TXN: variants seen among roughly 807,000 people sequenced by gnomAD.
TXN encodes the protein thioredoxin.
A neutral mutation model predicts 16.5 loss-of-function variants in TXN; 10 were observed. That is an observed-to-expected ratio of 0.61 (90% CI 0.37 to 1.03). The LOEUF is 1.03. Ranked by LOEUF, TXN falls within the 50% of genes least tolerant of loss-of-function variation. TXN has a pLI of 0.01. For missense variants in TXN, 71 were observed against 122.5 expected, an observed-to-expected ratio of 0.58 and a Z score of 1.98; for synonymous variants, 35 against 39.4, an observed-to-expected ratio of 0.89 and a Z score of 0.42.
intron 3 of TXN, among the ~76,000 whole-genome samples, chr9:110,246,759 A>C (rs1837665273): frequency 6.6e-6 from 1 of 152,216 alleles, no homozygotes; most frequent in African/African-American, 2.4e-5. Flanking sequence ...TGAGCATGAA[A>C]GTACAGGTTC....
rs565618746 is a variant in TXN, at chr9:110,248,144, TA to T, written c.189+2675del. Reference sequence around the variant, plus strand: ...TACAAGAGTTAAAGAGTTAAAAAAATAAAAAAACTATAAAGTAAAAAAGTTA... The same window carrying T: ...TACAAGAGTTAAAGAGTTAAAAAAATAAAAAACTATAAAGTAAAAAAGTTA... On this transcript the variant is annotated intron_variant, in intron 3 of 4. Coordinates refer to ENST00000374517, the MANE Select transcript of TXN (RefSeq NM_003329.4). Among the ~76,000 whole-genome samples the T allele has an allele frequency of 3.9e-5, 6 of 152,042 alleles. No homozygotes were observed. In the South Asian group the frequency reaches 6.2e-4, roughly 16 times the overall value.
intron 1 of TXN, among the ~76,000 whole-genome samples, chr9:110,252,891 C>T (rs891636496): frequency 1.3e-4 from 20 of 152,058 alleles, no homozygotes; most frequent in Non-Finnish European, 1.8e-4. Flanking sequence ...GTGATCCACC[C>T]GCCTTGGCCT....
At chr9:110,250,202 G>A (rs762041026) in intron 3 of TXN, among the ~76,000 whole-genome samples, 26 of 152,092 alleles carry the variant, frequency 1.7e-4, no homozygotes, top group Non-Finnish European at 2.9e-4. Flanking sequence ...TATAAAATGG[G>A]GATGATAACA....
intron 3 of TXN, among the ~76,000 whole-genome samples, chr9:110,250,310 C>G (rs1837715220): frequency 6.6e-6 from 1 of 152,136 alleles, no homozygotes; most frequent in Non-Finnish European, 1.5e-5. Context: ...ACAACCAACC[C>G]TGGAATTTCT....
chr9:110,246,434 G>C (rs1246499633), intron 3 of TXN, among the ~76,000 whole-genome samples: 1 of 152,142 alleles, frequency 6.6e-6, no homozygotes, highest in African/African-American at 2.4e-5. Flanking sequence ...AAGAGGGCAA[G>C]GTTTGGAGGA....
chr9:110,245,647 TATA>T lies in TXN; in HGVS notation c.190-807_190-805del, dbSNP rs1384818451. ...ATATATATATATATATATATATATA[TATA>T]TATATTTTTTTTTTTTTTTTTTTAT... On this transcript the variant is annotated intron_variant, in intron 3 of 4. Transcript: ENST00000374517. 4.4e-3 allele frequency among the ~76,000 whole-genome samples: 127 copies of T among 28,738 alleles called. 1 individual carries two copies. The highest frequency in any genetic ancestry group is 9.4e-3 in the African/African-American group (58 of 6,142). The allele number at this position is 28,738 out of a possible 152,430, so 18.9% of individuals were successfully genotyped here. A position where few individuals can be genotyped will look rare whatever the true frequency, so the allele number is the denominator to read the frequency against.
intron 3 of TXN, among the ~76,000 whole-genome samples, chr9:110,249,849 G>C (rs1837704839): frequency 6.6e-6 from 1 of 152,202 alleles, no homozygotes; most frequent in Non-Finnish European, 1.5e-5. Flanking sequence ...GAAGAGGAGT[G>C]ACTGGCCTAA....
intron 3 of TXN, 136 bp downstream of exon 3, chr9:110,250,684 T>C: frequency 2.7e-6 from 2 of 742,348 alleles, no homozygotes; most frequent in Non-Finnish European, 4.5e-6. Context: ...TTGCCTGCTC[T>C]TCTGAGATAG....
At chr9:110,251,251 C>A (rs998588932) in intron 2 of TXN, 107 bp downstream of exon 2, 5 of 794,954 alleles carry the variant, frequency 6.3e-6, no homozygotes, top group African/African-American at 3.4e-5. Flanking sequence ...CCAAAGAAAT[C>A]CCCCCACCGA....
chr9:110,245,760 T>C (rs1837650922), intron 3 of TXN, among the ~76,000 whole-genome samples: 1 of 148,100 alleles, frequency 6.8e-6, no homozygotes, highest in Non-Finnish European at 1.5e-5. Context: ...CCCAAAGTGC[T>C]AGGATTACAG....
Position 110,256,237 on chromosome 9 carries a change from A to C in TXN, c.24+175T>G, listed in dbSNP as rs1175204446. Reference sequence around the variant, plus strand: ...AGGCTCCACCGCCTCGGGCGCGCCCAGGCCGCTGCTTCCCGCAGTCCCAGG... The same window carrying C: ...AGGCTCCACCGCCTCGGGCGCGCCCCGGCCGCTGCTTCCCGCAGTCCCAGG... On this transcript the variant is annotated intron_variant, in intron 1 of 4. Coordinates refer to ENST00000374517, the MANE Select transcript of TXN (RefSeq NM_003329.4). This position sits in a 1 kb window ranked among gnomAD's most constrained non-coding sequence, Gnocchi z 4.2. Among the ~76,000 whole-genome samples the C allele has an allele frequency of 6.6e-6, 1 of 151,438 alleles. No individual in the cohort carries two copies. Among genetic ancestry groups the C allele is most frequent in the Admixed American group, 6.5e-5 (1 of 15,272 alleles).
intron 3 of TXN, among the ~76,000 whole-genome samples, chr9:110,249,075 C>T (rs1049282064): frequency 2.5e-4 from 32 of 127,862 alleles, no homozygotes; most frequent in Non-Finnish European, 4.7e-5. Context: ...TGCAGTGAGC[C>T]GAGATCATGC....
intron 3 of TXN, 62 bp from the exon 4 acceptor site, chr9:110,244,905 C>A (rs1837627346): frequency 3.6e-6 from 5 of 1,401,984 alleles, no homozygotes; most frequent in Middle Eastern, 3.6e-4. Context: ...TGAGCTTTGA[C>A]AGAAGTAATC....
chr9:110,246,242 T>C (rs2118565499), intron 3 of TXN, among the ~76,000 whole-genome samples: 1 of 152,230 alleles, frequency 6.6e-6, no homozygotes, highest in Middle Eastern at 3.4e-3. Flanking sequence ...AATCGACAAA[T>C]TCCTAACATC....
intron 1 of TXN, among the ~76,000 whole-genome samples, chr9:110,255,995 C>T (rs1226591411): frequency 6.6e-6 from 1 of 152,192 alleles, no homozygotes; most frequent in African/African-American, 2.4e-5. Flanking sequence ...CAAGGGCGGA[C>T]CCCTTCCATT....
chr9:110,247,120 C>A (rs1188939085), intron 3 of TXN, among the ~76,000 whole-genome samples: 1 of 152,012 alleles, frequency 6.6e-6, no homozygotes, highest in African/African-American at 2.4e-5. Flanking sequence ...GTGAGGAGTT[C>A]GAGACCAGCC....
intron 3 of TXN, 106 bp downstream of exon 3, chr9:110,250,714 C>T (rs2118574667): frequency 3.2e-6 from 3 of 932,556 alleles, no homozygotes; most frequent in Non-Finnish European, 1.7e-6. Context: ...GATAGGATTA[C>T]AGTTCTAGAA....
Position 110,250,883 on chromosome 9 carries a change from G to A in TXN, c.130-4C>T. The A allele has an allele frequency of 1.9e-6, 3 of 1,607,418 alleles. No individual in the cohort carries two copies. Among genetic ancestry groups the A allele is most frequent in the Non-Finnish European group, 1.7e-6 (2 of 1,177,526 alleles). ...TGGAATACTTTTCAGAGAGGGACTG[G>A]AAAATTTAAAATGAAAAATCCAAAA... On this transcript the variant is annotated splice_polypyrimidine_tract_variant and splice_region_variant and intron_variant, in intron 2 of 4. Transcript: ENST00000374517.
At position 110,245,650 on chromosome 9, in the gene TXN, ATATATTTTTTTT is replaced by A. The variant is rs1179583164; in HGVS notation, c.190-819_190-808del. On this transcript the variant is annotated intron_variant, in intron 3 of 4. Transcript: ENST00000374517. ...TATATATATATATATATATATATAT[ATATATTTTTTTT>A]TTTTTTTTTTTATAGGGACAAGGTC... Among the ~76,000 whole-genome samples, 11 of 24,644 alleles carry A rather than the reference ATATATTTTTTTT, an allele frequency of 4.5e-4. 1 individual carries two copies. The East Asian group carries it at 8.0e-3, about 18-fold the overall frequency. The allele number at this position is 24,644 out of a possible 152,430, so 16.2% of individuals were successfully genotyped here.
Sources: allele counts gnomAD v4.1 joint callset (sites outside exome capture counted in the v4.1 genomes callset), GRCh38; gene constraint gnomAD v4.1.1; non-coding constraint Gnocchi (gnomAD v3.1); transcripts MANE v1.5; gene names NCBI Gene and HGNC (gene_info 2026-07-23, HGNC 2026-07-21).